SLC15A5: variants seen among roughly 807,000 people sequenced by gnomAD.
SLC15A5 encodes Peptide/histidine transporter ENSP00000340402.
Under a neutral mutation model 56.1 loss-of-function variants are expected in SLC15A5, and 58 were observed. That is an observed-to-expected ratio of 1.03 (90% confidence interval 0.84 to 1.29). SLC15A5 has a LOEUF of 1.29. Ranked by LOEUF, SLC15A5 falls within the 50% of genes most tolerant of loss-of-function variation. SLC15A5 has a pLI of 0.00. For missense variants in SLC15A5, 681 were observed against 672.1 expected (o/e 1.01, Z -0.15); for synonymous variants, 264 against 250.5 (o/e 1.05, Z -0.51).
intron 5 of SLC15A5, among the ~76,000 whole-genome samples, chr12:16,227,812 G>A (rs1439551058): frequency 2.0e-5 from 3 of 152,164 alleles, no homozygotes; most frequent in African/African-American, 7.2e-5. Flanking sequence ...TACTCTAAAG[G>A]TCATGTGCTG....
intron 3 of SLC15A5, among the ~76,000 whole-genome samples, chr12:16,253,985 C>T (rs995732169): frequency 2.0e-5 from 3 of 152,122 alleles, no homozygotes; most frequent in Non-Finnish European, 2.9e-5. Flanking sequence ...TTTACATACC[C>T]TCATTCATCT....
chr12:16,222,359 A>T (rs1025737188), intron 6 of SLC15A5, among the ~76,000 whole-genome samples: 2 of 33,134 alleles, frequency 6.0e-5, no homozygotes, highest in African/African-American at 1.9e-4. Context: ...CAGAAAGGTA[A>T]TACTTGATTT....
chr12:16,271,819 G>A lies in SLC15A5; in HGVS notation c.584+742C>T, dbSNP rs1864760596. 6.6e-6 allele frequency among the ~76,000 whole-genome samples: 1 copy of A among 152,032 alleles called. No individual in the cohort carries two copies. Among genetic ancestry groups the A allele is most frequent in the African/African-American group, 2.4e-5 (1 of 41,404 alleles). On this transcript the variant is annotated intron_variant, in intron 2 of 8. Transcript: ENST00000344941. The surrounding 1 kb of genome is among the most constrained non-coding windows in gnomAD (Gnocchi z 8.0). Reference sequence around the variant, plus strand: ...GAATTTGTATTTGGTAATATAAATTGTTTCCTTAAAAAACACAAAAACCGA... The same window carrying A: ...GAATTTGTATTTGGTAATATAAATTATTTCCTTAAAAAACACAAAAACCGA...
chr12:16,253,002 T>C (rs1292170973), intron 3 of SLC15A5, among the ~76,000 whole-genome samples: 1 of 151,630 alleles, frequency 6.6e-6, no homozygotes, highest in Admixed American at 6.6e-5. Context: ...TGTTGGCGAA[T>C]AATTTTCATC....
intron 2 of SLC15A5, among the ~76,000 whole-genome samples, chr12:16,260,576 T>C (rs967500895): frequency 6.6e-6 from 1 of 152,048 alleles, no homozygotes; most frequent in African/African-American, 2.4e-5. Flanking sequence ...CAGATACATG[T>C]TCTACAAATG....
At chr12:16,265,603 C>T (rs1423537245) in intron 2 of SLC15A5, among the ~76,000 whole-genome samples, 3 of 152,134 alleles carry the variant, frequency 2.0e-5, no homozygotes, top group Admixed American at 6.5e-5. Context: ...CTCAGCCTCC[C>T]GAGTAGCTGG....
At chr12:16,241,139 A>G (rs1186927256) in intron 4 of SLC15A5, among the ~76,000 whole-genome samples, 3 of 151,972 alleles carry the variant, frequency 2.0e-5, no homozygotes, top group African/African-American at 7.3e-5. Flanking sequence ...AGCGCATAGT[A>G]TTTCTTTAAT....
intron 5 of SLC15A5, among the ~76,000 whole-genome samples, chr12:16,236,828 A>G (rs1591651137): frequency 6.6e-6 from 1 of 152,228 alleles, no homozygotes; most frequent in East Asian, 1.9e-4. Context: ...ACTAACTGGA[A>G]ATATCAATAA....
chr12:16,210,261 C>G (rs1338938292), intron 7 of SLC15A5, among the ~76,000 whole-genome samples: 2 of 152,174 alleles, frequency 1.3e-5, no homozygotes, highest in African/African-American at 4.8e-5. Context: ...GTCTCTAACT[C>G]TACCTCGACT....
At chr12:16,201,841 G>A (rs1354502315) in intron 7 of SLC15A5, among the ~76,000 whole-genome samples, 4 of 151,982 alleles carry the variant, frequency 2.6e-5, no homozygotes, top group Non-Finnish European at 5.9e-5. Context: ...ATATGAAAAC[G>A]GACTAATACC....
intron 7 of SLC15A5, among the ~76,000 whole-genome samples, chr12:16,207,602 A>G (rs1008099620): frequency 6.6e-6 from 1 of 151,684 alleles, no homozygotes; most frequent in Non-Finnish European, 1.5e-5. Flanking sequence ...ACTCTTCATG[A>G]TCACCAACAT....
At chr12:16,225,036 G>A (rs1323097063) in intron 5 of SLC15A5, among the ~76,000 whole-genome samples, 4 of 152,046 alleles carry the variant, frequency 2.6e-5, no homozygotes, top group South Asian at 2.1e-4. Flanking sequence ...CTTCATCCAC[G>A]TTCCTACAAA....
At chr12:16,239,924 G>T in intron 4 of SLC15A5, 57 bp from the exon 5 acceptor site, 2 of 1,454,624 alleles carry the variant, frequency 1.4e-6, no homozygotes, top group Non-Finnish European at 1.8e-6. Context: ...TTTGAAGAAA[G>T]CATCGTCCAC....
intron 7 of SLC15A5, among the ~76,000 whole-genome samples, chr12:16,198,844 A>G (rs997583490): frequency 1.3e-5 from 2 of 152,132 alleles, no homozygotes; most frequent in African/African-American, 2.4e-5. Context: ...AAAGAAAAAT[A>G]CAGTTTATTT....
intron 5 of SLC15A5, among the ~76,000 whole-genome samples, chr12:16,238,391 G>A (rs1864372914): frequency 6.6e-6 from 1 of 152,114 alleles, no homozygotes; most frequent in Non-Finnish European, 1.5e-5. Context: ...ACTTTGGGAG[G>A]CCGAGGCGGG....
At chr12:16,263,587 T>A (rs897942073) in intron 2 of SLC15A5, among the ~76,000 whole-genome samples, 2 of 152,034 alleles carry the variant, frequency 1.3e-5, no homozygotes. Context: ...ATGGGGAAAA[T>A]GTCTCTCCAG....
intron 7 of SLC15A5, among the ~76,000 whole-genome samples, chr12:16,216,606 A>G (rs569242305): frequency 1.3e-5 from 2 of 152,270 alleles, no homozygotes; most frequent in East Asian, 1.9e-4. Flanking sequence ...ATTATTGCAT[A>G]TGGTCTCACT....
Position 16,272,761 on chromosome 12 carries a change from C to T in SLC15A5, c.384G>A (p.Val128=), listed in dbSNP as rs1306300325. 6.5e-7 allele frequency: 1 copy of T among 1,536,964 alleles called. No individual in the cohort carries two copies. The highest frequency in any genetic ancestry group is 2.4e-5 in the East Asian group (1 of 40,900). Residue 128 remains valine (V), a synonymous_variant, in exon 2 of 9, where the codon GTG becomes GTA. Transcript: ENST00000344941. The stretch of plus-strand genomic sequence containing the variant: ...GATAGAAATCTTCCAAGGGAAAAGC[C>T]ACCACAGATAACAAAGCAGTGCCTG... ...HFLGTALLSV[V]AFPLEDFYLG...
chr12:16,244,878 C>T (rs1329014670), intron 3 of SLC15A5, 78 bp from the exon 4 acceptor site: 18 of 1,413,292 alleles, frequency 1.3e-5, no homozygotes, highest in Admixed American at 6.1e-5. Flanking sequence ...AGAAAGATAA[C>T]GATTCAAGGA....
Sources: allele counts gnomAD v4.1 joint callset (sites outside exome capture counted in the v4.1 genomes callset), GRCh38; gene constraint gnomAD v4.1.1; non-coding constraint Gnocchi (gnomAD v3.1); transcripts MANE v1.5; gene names NCBI Gene and HGNC (gene_info 2026-07-23, HGNC 2026-07-21).